The following PRDM2 variants were observed in gnomAD, a reference collection of about 807,000 sequenced individuals.
PRDM2 encodes the protein PR/SET domain 2, also known as PR domain zinc finger protein 2.
Under a neutral mutation model 130.0 loss-of-function variants are expected in PRDM2, and 30 were observed. That is an observed-to-expected ratio of 0.23 (90% CI 0.17 to 0.31). The LOEUF is 0.31. PRDM2 is among the 10% of genes least tolerant of loss of function. The probability of loss-of-function intolerance (pLI) is 1.00; values close to 1 mark genes in which losing one functional copy is unlikely to be tolerated. For missense variants in PRDM2, 2,011 were observed against 2,108.4 expected, an observed-to-expected ratio of 0.95 and a Z score of 0.90; for synonymous variants, 871 against 782.4, an observed-to-expected ratio of 1.11 and a Z score of -1.89.
At chr1:13,753,007 T>C (rs999244813) in intron 6 of PRDM2, among the ~76,000 whole-genome samples, 3 of 152,202 alleles carry the variant, frequency 2.0e-5, no homozygotes, top group African/African-American at 7.2e-5. Context: ...TCCCTGCTAC[T>C]TGCGGAGGAA....
chr1:13,769,157 A>AC (rs1644300644), intron 6 of PRDM2: 1 of 985,038 alleles, frequency 1.0e-6, no homozygotes. Flanking sequence ...GCCCTGTAGG[A>AC]CCCCCAGGAC....
chr1:13,746,319 T>TA (rs1397388659), intron 5 of PRDM2, among the ~76,000 whole-genome samples: 4 of 151,734 alleles, frequency 2.6e-5, no homozygotes, highest in African/African-American at 9.7e-5. Context: ...GAACTTGACT[T>TA]AAAAATGCTA....
chr1:13,700,437 G>T (rs952151452), intron 1 of PRDM2, 137 bp downstream of exon 1: 2 of 150,050 alleles, frequency 1.3e-5, no homozygotes, highest in Non-Finnish European at 3.0e-5. Flanking sequence ...CGGCGGACGC[G>T]CCCCCTCAGA....
At chr1:13,756,865 A>G (rs1187981473) in intron 6 of PRDM2, among the ~76,000 whole-genome samples, 1 of 152,238 alleles carries the variant, frequency 6.6e-6, no homozygotes, top group Non-Finnish European at 1.5e-5. Flanking sequence ...TGCGAAGTTG[A>G]GATCCATATC....
intron 4 of PRDM2, among the ~76,000 whole-genome samples, chr1:13,734,517 T>A (rs1643209483): frequency 6.6e-6 from 1 of 152,224 alleles, no homozygotes; most frequent in Non-Finnish European, 1.5e-5. Flanking sequence ...GCATATTGTA[T>A]AATTTATTAA....
Position 13,778,399 on chromosome 1 carries a change from G to C in PRDM2, c.623-19G>C. On this transcript the variant is annotated intron_variant, in intron 7 of 9. Coordinates refer to ENST00000311066, the MANE Select transcript of PRDM2 (RefSeq NM_001393986.1). ...TCCCATGCTTCACTTCCATGCTTCT[G>C]CTTCCATGTGCTTTCTAGGTCCTAA... is the stretch of plus-strand genomic sequence containing the variant. 1.3e-6 allele frequency: 2 copies of C among 1,563,484 alleles called. No individual in the cohort carries two copies. Among genetic ancestry groups the C allele is most frequent in the Non-Finnish European group, 1.7e-6 (2 of 1,158,998 alleles).
At chr1:13,801,497 A>G (rs1329369226) in intron 8 of PRDM2, among the ~76,000 whole-genome samples, 2 of 152,208 alleles carry the variant, frequency 1.3e-5, no homozygotes, top group South Asian at 2.1e-4. Flanking sequence ...AAGCCTGTGC[A>G]CTGGAGGTAA....
At chr1:13,709,338 GA>G (rs1277826998) in intron 1 of PRDM2, among the ~76,000 whole-genome samples, 2 of 152,032 alleles carry the variant, frequency 1.3e-5, no homozygotes, top group African/African-American at 2.4e-5. Flanking sequence ...TCTTTCTGAA[GA>G]AAAAAAGTTC....
Position 13,726,556 on chromosome 1 carries a change from G to A in PRDM2, c.10-4444G>A, listed in dbSNP as rs571961934. ...CGGATGGGCTGAATGAAGGAGAGAC[G>A]CTTTGGCGATTAATTGGGGGAAGAG... On this transcript the variant is annotated intron_variant, in intron 2 of 9. Coordinates refer to ENST00000311066, the MANE Select transcript of PRDM2 (RefSeq NM_001393986.1). Among the ~76,000 whole-genome samples the A allele has an allele frequency of 1.2e-4, 18 of 152,294 alleles. No homozygotes were observed. The South Asian group carries it at 1.2e-3, about 11-fold the overall frequency.
chr1:13,722,245 G>A (rs1184302709), intron 2 of PRDM2, among the ~76,000 whole-genome samples: 9 of 152,148 alleles, frequency 5.9e-5, no homozygotes, highest in Admixed American at 5.2e-4. Flanking sequence ...AAAAGCCAGC[G>A]GTCGTTGCGA....
intron 5 of PRDM2, among the ~76,000 whole-genome samples, chr1:13,743,034 G>A (rs560699771): frequency 5.3e-5 from 8 of 152,280 alleles, no homozygotes; most frequent in Admixed American, 2.0e-4. Context: ...GTGAGGAAGC[G>A]TGGAGTGTTG....
At chr1:13,785,184 C>G (rs542557951) in intron 8 of PRDM2, among the ~76,000 whole-genome samples, 1 of 152,158 alleles carries the variant, frequency 6.6e-6, no homozygotes, top group Admixed American at 6.5e-5. Context: ...GAACTACAGT[C>G]GTCTTTCTGT....
At chr1:13,818,575 C>T (rs1335221207) in intron 9 of PRDM2, among the ~76,000 whole-genome samples, 8 of 149,494 alleles carry the variant, frequency 5.4e-5, no homozygotes, top group East Asian at 2.0e-4. Context: ...TTAGTAGAGA[C>T]GGGGTTTCAC....
intron 5 of PRDM2, among the ~76,000 whole-genome samples, 154 bp downstream of exon 5, chr1:13,742,311 C>G (rs1051023585): frequency 6.6e-6 from 1 of 152,198 alleles, no homozygotes; most frequent in Non-Finnish European, 1.5e-5. Context: ...GGGCGATCCT[C>G]GGACCTCAAC....
At chr1:13,753,482 TAAA>T (rs61369298) in intron 6 of PRDM2, among the ~76,000 whole-genome samples, 3,668 of 152,338 alleles carry the variant, frequency 0.024, 61 homozygotes, top group Middle Eastern at 0.041. Context: ...TTGTTTAAAT[TAAA>T]AACCTTGGTA....
At chr1:13,755,313 C>T (rs1232317717) in intron 6 of PRDM2, among the ~76,000 whole-genome samples, 1 of 152,046 alleles carries the variant, frequency 6.6e-6, no homozygotes, top group Non-Finnish European at 1.5e-5. Flanking sequence ...GGTGGATTTG[C>T]AAAAATCCTA....
chr1:13,814,843 C>A (rs1163503947), intron 8 of PRDM2, among the ~76,000 whole-genome samples: 1 of 152,198 alleles, frequency 6.6e-6, no homozygotes, highest in Non-Finnish European at 1.5e-5. Flanking sequence ...TGCTTTCCTA[C>A]CTGCCTGGCC....
At chr1:13,786,369 C>T (rs1025679200) in intron 8 of PRDM2, 21 of 1,064,598 alleles carry the variant, frequency 2.0e-5, no homozygotes, top group African/African-American at 7.9e-5. Context: ...CTGGGTAGGA[C>T]GCTCGTTCCT....
chr1:13,761,679 G>A (rs1644101555), intron 6 of PRDM2, among the ~76,000 whole-genome samples: 1 of 152,084 alleles, frequency 6.6e-6, no homozygotes, highest in Non-Finnish European at 1.5e-5. Flanking sequence ...TTGATACTCA[G>A]AAGTCTCCTC....
Sources: allele counts gnomAD v4.1 joint callset (sites outside exome capture counted in the v4.1 genomes callset), GRCh38; gene constraint gnomAD v4.1.1; transcripts MANE v1.5; gene names NCBI Gene and HGNC (gene_info 2026-07-23, HGNC 2026-07-21).